Variants in CACNA1E observed in about 807,000 individuals in gnomAD.
CACNA1E encodes calcium voltage-gated channel subunit alpha1 E, also known as voltage-dependent R-type calcium channel subunit alpha-1E.
Under a neutral mutation model 259.2 loss-of-function variants are expected in CACNA1E, and 40 were observed. The ratio of observed to expected loss-of-function variants is 0.15; its 90% CI spans 0.12 to 0.20. The LOEUF (loss-of-function observed/expected upper bound fraction) is 0.20. Among genes scored for constraint, CACNA1E ranks in the 10% least tolerant of loss-of-function variants. The pLI is 1.00. For missense variants in CACNA1E, 1,874 were observed against 3,040.1 expected (o/e 0.62, Z 9.02); for synonymous variants, 1,104 against 1,138.5 (o/e 0.97, Z 0.61).
intron 2 of CACNA1E, among the ~76,000 whole-genome samples, chr1:181,437,393 C>T (rs759445357): frequency 3.3e-5 from 5 of 152,134 alleles, no homozygotes; most frequent in Non-Finnish European, 7.4e-5. Flanking sequence ...CTTGCTACCT[C>T]ATACGCCTCT....
At chr1:181,467,434 G>T (rs1024116907) in intron 2 of CACNA1E, among the ~76,000 whole-genome samples, 3 of 152,176 alleles carry the variant, frequency 2.0e-5, no homozygotes, top group African/African-American at 7.2e-5. Context: ...CAGGGCTTGT[G>T]ACCAAATTTC....
At position 181,674,638 on chromosome 1, in the gene CACNA1E, C is replaced by T. The variant is rs184965818; in HGVS notation, c.1055+23197C>T. On this transcript the variant is annotated intron_variant, in intron 7 of 47. Transcript: ENST00000367573. Reference sequence around the variant, plus strand: ...CTGCGAATTCCCATGTTTTCTGGGCCAGTTATCTGACCTCTTCCTGCGAGG... The same window carrying T: ...CTGCGAATTCCCATGTTTTCTGGGCTAGTTATCTGACCTCTTCCTGCGAGG... 5.8e-4 allele frequency among the ~76,000 whole-genome samples: 88 copies of T among 152,262 alleles called. 1 individual carries two copies. The highest frequency in any genetic ancestry group is 1.7e-3 in the African/African-American group (70 of 41,564).
At chr1:181,680,105 CAAAAAAAAAAAAAAAA>C (rs56198008) in intron 7 of CACNA1E, among the ~76,000 whole-genome samples, 1 of 78,504 alleles carries the variant, frequency 1.3e-5, no homozygotes. Context: ...GACCTTGTCT[CAAAAAAAAAAAAAAAA>C]AAAAAAAAAA....
chr1:181,665,263 A>T (rs1234358596), intron 7 of CACNA1E, among the ~76,000 whole-genome samples: 1 of 152,176 alleles, frequency 6.6e-6, no homozygotes, highest in African/African-American at 2.4e-5. Flanking sequence ...ACACATGTAT[A>T]TGATGTTTTC....
chr1:181,395,150 G>A (rs1656578268), intron 1 of CACNA1E, among the ~76,000 whole-genome samples: 1 of 152,174 alleles, frequency 6.6e-6, no homozygotes, highest in Non-Finnish European at 1.5e-5. Context: ...ATGGTGGCTT[G>A]TACCAGGATG....
chr1:181,511,292 G>A (rs1666143152), intron 2 of CACNA1E, 79 bp from the exon 3 acceptor site: 1 of 1,528,360 alleles, frequency 6.5e-7, no homozygotes, highest in Non-Finnish European at 9.0e-7. Context: ...CATCCAGGAA[G>A]GGCCAGGCTG....
chr1:181,528,148 G>C (rs575600119), intron 3 of CACNA1E, among the ~76,000 whole-genome samples: 2 of 104,586 alleles, frequency 1.9e-5, no homozygotes, highest in Admixed American at 1.9e-4. Context: ...GGCCCGGGGT[G>C]GGGGGGGCAG....
intron 1 of CACNA1E, among the ~76,000 whole-genome samples, chr1:181,399,554 G>A (rs1388901304): frequency 6.6e-6 from 1 of 152,154 alleles, no homozygotes; most frequent in Non-Finnish European, 1.5e-5. Context: ...GGGGAAAGAG[G>A]GTGGTAATGA....
At position 181,485,572 on chromosome 1, in the gene CACNA1E, G is replaced by T. The variant is rs1213738268; in HGVS notation, c.266+1562G>T. 6.6e-6 allele frequency among the ~76,000 whole-genome samples: 1 copy of T among 152,188 alleles called. No individual in the cohort carries two copies. Among genetic ancestry groups the T allele is most frequent in the African/African-American group, 2.4e-5 (1 of 41,444 alleles). On this transcript the variant is annotated intron_variant, in intron 1 of 47. Coordinates refer to ENST00000367573, the MANE Select transcript of CACNA1E (RefSeq NM_001205293.3). The surrounding 1 kb of genome is among the most constrained non-coding windows in gnomAD (Gnocchi z 4.2). ...ACAGAGTGATCCCAGGCCATCCATT[G>T]CCTGAGTTGAACGTATCTAGCTAGG...
intron 1 of CACNA1E, among the ~76,000 whole-genome samples, chr1:181,495,569 A>G (rs1312540585): frequency 1.3e-5 from 2 of 152,204 alleles, no homozygotes; most frequent in East Asian, 1.9e-4. Flanking sequence ...TTCTGCAGCT[A>G]TGTTTTCTCT....
At chr1:181,456,655 G>A (rs890637481) in intron 2 of CACNA1E, among the ~76,000 whole-genome samples, 2 of 152,154 alleles carry the variant, frequency 1.3e-5, no homozygotes, top group Non-Finnish European at 2.9e-5. Flanking sequence ...GCTTATTTAT[G>A]TGCCTGGAGT....
At chr1:181,757,686 G>C (rs940250381) in intron 30 of CACNA1E, among the ~76,000 whole-genome samples, 1 of 152,172 alleles carries the variant, frequency 6.6e-6, no homozygotes, top group African/African-American at 2.4e-5. Context: ...TGCCTAAACA[G>C]CTCAGCCACA....
chr1:181,643,809 T>C (rs1373302074), intron 6 of CACNA1E, among the ~76,000 whole-genome samples: 3 of 152,184 alleles, frequency 2.0e-5, no homozygotes, highest in Non-Finnish European at 2.9e-5. Flanking sequence ...AGCGGGGAGA[T>C]GGTGGCTGCA....
chr1:181,477,779 A>G (rs368902662), intron 2 of CACNA1E, among the ~76,000 whole-genome samples: 2 of 152,332 alleles, frequency 1.3e-5, no homozygotes, highest in South Asian at 4.1e-4. Flanking sequence ...TGAAGGTGAA[A>G]TGTACATAAC....
chr1:181,630,454 A>G (rs1467568117), intron 6 of CACNA1E, among the ~76,000 whole-genome samples: 1 of 151,676 alleles, frequency 6.6e-6, no homozygotes, highest in East Asian at 1.9e-4. Flanking sequence ...AAAAGAAAAC[A>G]TTTGTCAATT....
intron 6 of CACNA1E, among the ~76,000 whole-genome samples, chr1:181,598,191 A>C (rs768590937): frequency 1.4e-4 from 21 of 152,330 alleles, no homozygotes; most frequent in Non-Finnish European, 2.8e-4. Context: ...TAACGGACAT[A>C]CCAAACATTG....
Position 181,560,343 on chromosome 1 carries a change from A to G in CACNA1E, c.513-17423A>G, listed in dbSNP as rs1404475933. Among the ~76,000 whole-genome samples, 4 of 152,188 alleles carry G rather than the reference A, an allele frequency of 2.6e-5. No individual in the cohort carries two copies. In the East Asian group the frequency reaches 5.8e-4, roughly 22 times the overall value. ...AATACAGATAACTTGTAATTCCACT[A>G]CCTAAAGACAATCACTGTTACCATT... On this transcript the variant is annotated intron_variant, in intron 3 of 47. Transcript: ENST00000367573.
chr1:181,678,477 C>T (rs1323682983), intron 7 of CACNA1E, among the ~76,000 whole-genome samples: 3 of 152,082 alleles, frequency 2.0e-5, no homozygotes, highest in Non-Finnish European at 4.4e-5. Context: ...AAGTGTTAAC[C>T]GCCTGTTAGA....
chr1:181,733,416 T>C, intron 20 of CACNA1E, 21 bp from the exon 21 acceptor site: 1 of 1,489,750 alleles, frequency 6.7e-7, no homozygotes, highest in Non-Finnish European at 8.9e-7. Flanking sequence ...GCACCAGCTC[T>C]CTCTTCCTCT....
Sources: gnomAD v4.1 joint callset for allele counts (sites outside exome capture counted in the v4.1 genomes callset) on GRCh38, gnomAD v4.1.1 for gene constraint, Gnocchi (gnomAD v3.1) non-coding constraint, MANE v1.5 for transcripts, NCBI Gene and HGNC (gene_info 2026-07-23, HGNC 2026-07-21) for gene names.